Variants in KCNH1 observed in about 807,000 individuals in gnomAD.
KCNH1 encodes the protein potassium voltage-gated channel subfamily H member 1.
Under a neutral mutation model 69.2 loss-of-function variants are expected in KCNH1, and 27 were observed. That is an observed-to-expected ratio of 0.39 (90% CI 0.29 to 0.54). The LOEUF (loss-of-function observed/expected upper bound fraction) is 0.54, where lower values mean the gene tolerates loss of function less well. Ranked by LOEUF, KCNH1 falls within the 20% of genes least tolerant of loss-of-function variation. The pLI, the probability that KCNH1 is intolerant of heterozygous loss-of-function variation, is 0.68. For missense variants in KCNH1, 798 were observed against 1,261.6 expected, an observed-to-expected ratio of 0.63 and a Z score of 5.57; for synonymous variants, 456 against 487.7, an observed-to-expected ratio of 0.93 and a Z score of 0.86.
intron 6 of KCNH1, among the ~76,000 whole-genome samples, chr1:210,958,843 G>A (rs939951872): frequency 4.6e-5 from 7 of 152,120 alleles, no homozygotes; most frequent in Admixed American, 2.0e-4. Context: ...GCTTCCTTGC[G>A]ATGGGTTAGA....
At chr1:211,048,826 C>T (rs927328375) in intron 5 of KCNH1, among the ~76,000 whole-genome samples, 9 of 152,090 alleles carry the variant, frequency 5.9e-5, no homozygotes, top group African/African-American at 1.9e-4. Context: ...ACCTGTTCCC[C>T]AAAAACTATT....
chr1:211,111,955 T>G (rs1254252618), intron 1 of KCNH1, among the ~76,000 whole-genome samples: 1 of 91,752 alleles, frequency 1.1e-5, no homozygotes, highest in Admixed American at 1.0e-4. Context: ...CCCCTCTGCC[T>G]GGCCACTGCA....
intron 6 of KCNH1, among the ~76,000 whole-genome samples, chr1:210,980,079 T>A (rs1403713296): frequency 6.6e-6 from 1 of 152,202 alleles, no homozygotes; most frequent in Non-Finnish European, 1.5e-5. Context: ...TAAATATGCT[T>A]TTTCCTTCTA....
At chr1:210,973,326 T>G (rs903055980) in intron 6 of KCNH1, among the ~76,000 whole-genome samples, 2 of 152,144 alleles carry the variant, frequency 1.3e-5, no homozygotes, top group African/African-American at 4.8e-5. Flanking sequence ...TCTCTTTATA[T>G]CTATACTATC....
At chr1:210,690,908 C>T (rs1167586931) in intron 10 of KCNH1, among the ~76,000 whole-genome samples, 1 of 150,864 alleles carries the variant, frequency 6.6e-6, no homozygotes, top group Non-Finnish European at 1.5e-5. Context: ...GCACAAAGTG[C>T]TAAAGTGGGC....
At chr1:211,115,701 C>CTATATATATATATATA (rs201384583) in intron 1 of KCNH1, among the ~76,000 whole-genome samples, 1,441 of 68,678 alleles carry the variant, frequency 0.021, 94 homozygotes, top group Middle Eastern at 0.03. Context: ...ATAAACTCCC[C>CTATATATATATATATA]TATATATATA....
chr1:210,971,388 T>C (rs928377845), intron 6 of KCNH1, among the ~76,000 whole-genome samples: 5 of 152,192 alleles, frequency 3.3e-5, no homozygotes, highest in Admixed American at 6.6e-5. Flanking sequence ...AAGAAAGCAA[T>C]TGTTAAATTT....
intron 10 of KCNH1, among the ~76,000 whole-genome samples, chr1:210,718,583 A>G (rs1341027174): frequency 7.7e-6 from 1 of 129,180 alleles, no homozygotes; most frequent in Non-Finnish European, 1.6e-5. Context: ...TTATATATAT[A>G]AAATACCAAG....
At chr1:211,073,470 G>A (rs1450318595) in intron 5 of KCNH1, among the ~76,000 whole-genome samples, 1 of 152,118 alleles carries the variant, frequency 6.6e-6, no homozygotes, top group East Asian at 1.9e-4. Flanking sequence ...GCCACATTCT[G>A]GGCCATGTAA....
chr1:210,781,156 A>G (rs1202791041), intron 9 of KCNH1, among the ~76,000 whole-genome samples: 1 of 152,172 alleles, frequency 6.6e-6, no homozygotes, highest in African/African-American at 2.4e-5. Flanking sequence ...ATATTTTGTA[A>G]TCCTTGGAGG....
At chr1:210,882,986 C>T (rs892904103) in intron 7 of KCNH1, among the ~76,000 whole-genome samples, 9 of 152,106 alleles carry the variant, frequency 5.9e-5, no homozygotes, top group East Asian at 1.9e-4. Context: ...GAATGCATTA[C>T]GGAAGAATGA....
intron 1 of KCNH1, among the ~76,000 whole-genome samples, chr1:211,122,926 A>AT (rs1350083252): frequency 6.6e-6 from 1 of 150,820 alleles, no homozygotes; most frequent in African/African-American, 2.4e-5. Flanking sequence ...CACGTTCTGC[A>AT]TATGTATCCT....
intron 10 of KCNH1, among the ~76,000 whole-genome samples, chr1:210,693,540 G>A (rs6703484): frequency 0.028 from 4,201 of 152,186 alleles, 215 homozygotes; most frequent in African/African-American, 0.097. Context: ...GCAGAGGAGT[G>A]GACAGATAAA....
intron 7 of KCNH1, among the ~76,000 whole-genome samples, chr1:210,882,443 C>T (rs547285331): frequency 6.6e-6 from 1 of 152,088 alleles, no homozygotes; most frequent in Admixed American, 6.6e-5. Context: ...CTTATCCCAC[C>T]GCCATTGTAT....
At position 210,988,081 on chromosome 1, in the gene KCNH1, C is replaced by T. The variant is rs184708176; in HGVS notation, c.1032+30702G>A. On this transcript the variant is annotated intron_variant, in intron 6 of 10. Transcript: ENST00000271751. Reference sequence around the variant, plus strand: ...TTCTGTGGGTGTAGGACCCTCTGAGCCAGGTGCAGGATATAATCTCCTGAT... The same window carrying T: ...TTCTGTGGGTGTAGGACCCTCTGAGTCAGGTGCAGGATATAATCTCCTGAT... 5.1e-3 allele frequency among the ~76,000 whole-genome samples: 780 copies of T among 152,284 alleles called. 10 individuals are homozygous for T. Among genetic ancestry groups the T allele is most frequent in the African/African-American group, 0.018 (741 of 41,562 alleles).
chr1:211,045,041 G>GATATATAGATATAGATATATATAT (rs1164564038), intron 5 of KCNH1, among the ~76,000 whole-genome samples: 12 of 81,740 alleles, frequency 1.5e-4, no homozygotes, highest in African/African-American at 3.8e-4. Flanking sequence ...AATTGTGGGG[G>GATATATAGATATAGATATATATAT]ATATATATAT....
chr1:210,777,602 C>T (rs1200284298), intron 9 of KCNH1, among the ~76,000 whole-genome samples: 2 of 152,180 alleles, frequency 1.3e-5, no homozygotes, highest in Non-Finnish European at 2.9e-5. Context: ...TTCTAACCAA[C>T]AAGGCTGGCC....
At chr1:210,850,093 C>G (rs774867334) in intron 7 of KCNH1, among the ~76,000 whole-genome samples, 4 of 152,194 alleles carry the variant, frequency 2.6e-5, no homozygotes, top group Non-Finnish European at 5.9e-5. Flanking sequence ...TCCCCTAGCT[C>G]TAAGTGTGCA....
intron 7 of KCNH1, among the ~76,000 whole-genome samples, chr1:210,912,943 C>T (rs1378619366): frequency 1.3e-5 from 2 of 152,172 alleles, no homozygotes; most frequent in African/African-American, 2.4e-5. Flanking sequence ...CATGACGTCA[C>T]AAGAATGTTC....
Sources: gnomAD v4.1 joint callset for allele counts (sites outside exome capture counted in the v4.1 genomes callset) on GRCh38, gnomAD v4.1.1 for gene constraint, MANE v1.5 for transcripts, NCBI Gene and HGNC (gene_info 2026-07-23, HGNC 2026-07-21) for gene names.